The following CNTNAP2 variants were observed in gnomAD, a reference collection of about 807,000 sequenced individuals.
CNTNAP2 encodes the protein contactin-associated protein-like 2.
In CNTNAP2, 98 loss-of-function variants were observed where a neutral mutation model predicts 155.2. The observed-to-expected ratio is 0.63, with a 90% CI of 0.54 to 0.75. The LOEUF (loss-of-function observed/expected upper bound fraction) is 0.75, where lower values mean the gene tolerates loss of function less well. CNTNAP2 is among the 30% of genes least tolerant of loss of function. CNTNAP2 has a pLI of 0.00. For missense variants in CNTNAP2, 1,727 were observed against 1,688.1 expected, an observed-to-expected ratio of 1.02 and a Z score of -0.40; for synonymous variants, 651 against 631.2, an observed-to-expected ratio of 1.03 and a Z score of -0.47.
At chr7:146,542,062 T>G (rs1404400110) in intron 1 of CNTNAP2, among the ~76,000 whole-genome samples, 1 of 151,956 alleles carries the variant, frequency 6.6e-6, no homozygotes, top group African/African-American at 2.4e-5. Flanking sequence ...GTGAAGTGTG[T>G]CTACCACAAA....
At chr7:148,130,814 T>A (rs1429939779) in intron 16 of CNTNAP2, among the ~76,000 whole-genome samples, 1 of 152,184 alleles carries the variant, frequency 6.6e-6, no homozygotes, top group Non-Finnish European at 1.5e-5. Context: ...ATTTTTTTTA[T>A]CATTTTGCAT....
At position 148,365,828 on chromosome 7, in the gene CNTNAP2, A is replaced by G. The variant is rs540918100; in HGVS notation, c.3476-17821A>G. On this transcript the variant is annotated intron_variant, in intron 21 of 23. Coordinates refer to ENST00000361727, the MANE Select transcript of CNTNAP2 (RefSeq NM_014141.6). ...TGTATGCATGTATACATGCATGTGT[A>G]TGCATGTATACATGCATGTGTATGC... Among the ~76,000 whole-genome samples, 147 of 95,166 alleles carry G rather than the reference A, an allele frequency of 1.5e-3. 16 individuals are homozygous for G. Among genetic ancestry groups the G allele is most frequent in the African/African-American group, 2.3e-3 (48 of 20,526 alleles). The allele number at this position is 95,166 out of a possible 152,430, so 62.4% of individuals were successfully genotyped here. A position where few individuals can be genotyped will look rare whatever the true frequency, so the allele number is the denominator to read the frequency against.
At chr7:148,178,624 T>C (rs557525430) in intron 18 of CNTNAP2, among the ~76,000 whole-genome samples, 84 of 152,368 alleles carry the variant, frequency 5.5e-4, no homozygotes, top group African/African-American at 2.0e-3. Context: ...AGATGTCAGT[T>C]TGAATCCATC....
At chr7:148,400,273 C>T (rs1486829541) in intron 22 of CNTNAP2, among the ~76,000 whole-genome samples, 2 of 152,218 alleles carry the variant, frequency 1.3e-5, no homozygotes, top group African/African-American at 2.4e-5. Context: ...ACCCTGCTGC[C>T]GCCACGCGCA....
intron 13 of CNTNAP2, among the ~76,000 whole-genome samples, chr7:147,892,181 A>C (rs956065787): frequency 2.6e-5 from 4 of 152,224 alleles, no homozygotes; most frequent in African/African-American, 9.6e-5. Flanking sequence ...GCAGCATCTC[A>C]ACTCAATGGT....
At chr7:147,451,879 T>C (rs897119718) in intron 10 of CNTNAP2, among the ~76,000 whole-genome samples, 3 of 152,182 alleles carry the variant, frequency 2.0e-5, no homozygotes, top group Non-Finnish European at 2.9e-5. Context: ...GGGTAGGATA[T>C]GTGCTATGAC....
intron 8 of CNTNAP2, among the ~76,000 whole-genome samples, chr7:147,298,830 T>C (rs1794887996): frequency 6.6e-6 from 1 of 152,230 alleles, no homozygotes; most frequent in African/African-American, 2.4e-5. Flanking sequence ...TATTCTTCTT[T>C]TGATTTCTTT....
intron 22 of CNTNAP2, among the ~76,000 whole-genome samples, chr7:148,395,149 GCTTT>G (rs1381116074): frequency 1.6e-5 from 1 of 61,976 alleles, no homozygotes; most frequent in Non-Finnish European, 4.1e-5. Context: ...AGATTATGTG[GCTTT>G]TTTTTTTTCT....
chr7:147,522,988 T>A (rs376408255), intron 11 of CNTNAP2, among the ~76,000 whole-genome samples: 7 of 152,156 alleles, frequency 4.6e-5, no homozygotes, highest in Admixed American at 4.6e-4. Context: ...TTACTCCAGA[T>A]TGTAGTAGCC....
At chr7:147,541,551 C>A (rs1308094562) in intron 11 of CNTNAP2, among the ~76,000 whole-genome samples, 1 of 152,184 alleles carries the variant, frequency 6.6e-6, no homozygotes, top group Admixed American at 6.5e-5. Flanking sequence ...GTTCTATGAA[C>A]AACTCGCTCC....
intron 1 of CNTNAP2, among the ~76,000 whole-genome samples, chr7:146,648,757 T>C (rs1178589032): frequency 6.6e-6 from 1 of 152,144 alleles, no homozygotes; most frequent in Non-Finnish European, 1.5e-5. Flanking sequence ...GATAATTTGC[T>C]TTGAGGCCCT....
At chr7:146,403,147 G>T (rs1459356123) in intron 1 of CNTNAP2, among the ~76,000 whole-genome samples, 4 of 151,904 alleles carry the variant, frequency 2.6e-5, no homozygotes, top group Non-Finnish European at 4.4e-5. Context: ...GGCTATAGAG[G>T]TTAGCCAATT....
intron 13 of CNTNAP2, among the ~76,000 whole-genome samples, chr7:147,665,547 T>C (rs1340822782): frequency 6.6e-6 from 1 of 152,212 alleles, no homozygotes; most frequent in Non-Finnish European, 1.5e-5. Flanking sequence ...GGGTTTGTTG[T>C]ACAGATTATT....
At chr7:148,383,620 T>A in intron 21 of CNTNAP2, 29 bp from the exon 22 acceptor site, 1 of 1,614,194 alleles carries the variant, frequency 6.2e-7, no homozygotes, top group Non-Finnish European at 8.5e-7. Context: ...GTGAGTCAAG[T>A]AACATTTTCA....
intron 1 of CNTNAP2, among the ~76,000 whole-genome samples, chr7:146,235,644 A>ATCTCTCTTGT (rs1799460126): frequency 6.6e-6 from 1 of 152,044 alleles, no homozygotes; most frequent in African/African-American, 2.4e-5. Flanking sequence ...AGTGGTCATG[A>ATCTCTCTTGT]TCTCTCTTGT....
At chr7:148,326,040 C>T (rs1358746846) in intron 21 of CNTNAP2, among the ~76,000 whole-genome samples, 1 of 152,160 alleles carries the variant, frequency 6.6e-6, no homozygotes, top group African/African-American at 2.4e-5. Context: ...GACTCTCAAC[C>T]CTTACTGCAA....
intron 1 of CNTNAP2, among the ~76,000 whole-genome samples, chr7:146,645,230 A>C (rs7789802): frequency 0.48 from 72,614 of 151,992 alleles, 18,188 homozygotes; most frequent in South Asian, 0.58. Flanking sequence ...ATAATGAATG[A>C]ATGTGTGTAT....
In CNTNAP2 at chr7:146,233,088, G is replaced by GA. The variant is rs200421011; in HGVS notation, c.97+116121dup. Among the ~76,000 whole-genome samples, 1,384 of 151,788 alleles carry GA rather than the reference G, an allele frequency of 9.1e-3. 23 individuals are homozygous for GA. The highest frequency in any genetic ancestry group is 0.03 in the African/African-American group (1,237 of 41,386). Reference sequence around the variant, plus strand: ...CCAATTGATCCTGCAAACATTTCTAGAAAAAATCCTATCAAATGAGTAATA... The same window carrying GA: ...CCAATTGATCCTGCAAACATTTCTAGAAAAAAATCCTATCAAATGAGTAATA... On this transcript the variant is annotated intron_variant, in intron 1 of 23. Coordinates refer to ENST00000361727, the MANE Select transcript of CNTNAP2 (RefSeq NM_014141.6).
chr7:147,466,825 G>A (rs1239045579), intron 10 of CNTNAP2, among the ~76,000 whole-genome samples: 2 of 152,128 alleles, frequency 1.3e-5, no homozygotes, highest in African/African-American at 4.8e-5. Flanking sequence ...GGCTGAGGCA[G>A]GAGAATCACT....
Sources: gnomAD v4.1 joint callset for allele counts (sites outside exome capture counted in the v4.1 genomes callset) on GRCh38, gnomAD v4.1.1 for gene constraint, MANE v1.5 for transcripts, NCBI Gene and HGNC (gene_info 2026-07-23, HGNC 2026-07-21) for gene names.